COX6C: variants seen among roughly 807,000 people sequenced by gnomAD.
The protein encoded by COX6C is cytochrome c oxidase polypeptide VIc.
In COX6C, 3 loss-of-function variants were observed where a neutral mutation model predicts 6.9. That is an observed-to-expected ratio of 0.43 (90% CI 0.20 to 1.12). The LOEUF (loss-of-function observed/expected upper bound fraction) is 1.12. COX6C is among the 50% of genes most tolerant of loss of function. The pLI, the probability that COX6C is intolerant of heterozygous loss-of-function variation, is 0.27. For synonymous variants in COX6C, 32 were observed against 32.0 expected, an observed-to-expected ratio of 1.00 and a Z score of 0.00; for missense variants, 101 against 97.3, an observed-to-expected ratio of 1.04 and a Z score of -0.16.
chr8:99,885,231 T>A (rs1174281540), intron 3 of COX6C, among the ~76,000 whole-genome samples: 1 of 152,240 alleles, frequency 6.6e-6, no homozygotes, highest in Non-Finnish European at 1.5e-5. Context: ...AGAGATCACA[T>A]TCACCTTTTA....
At chr8:99,891,863 A>C (rs953100094) in intron 2 of COX6C, 45 bp downstream of exon 2, 2 of 1,562,148 alleles carry the variant, frequency 1.3e-6, no homozygotes, top group African/African-American at 2.7e-5. Context: ...TCAACCAAAA[A>C]CACATACTTT....
At chr8:99,891,849 T>TGG in intron 2 of COX6C, 59 bp downstream of exon 2, 1 of 1,501,344 alleles carries the variant, frequency 6.7e-7, no homozygotes, top group Non-Finnish European at 9.3e-7. Context: ...CTTTAAAAGA[T>TGG]TTTTCAACCA....
At chr8:99,881,579 C>T (rs1044298521) in intron 3 of COX6C, among the ~76,000 whole-genome samples, 3 of 151,924 alleles carry the variant, frequency 2.0e-5, no homozygotes, top group Non-Finnish European at 4.4e-5. Flanking sequence ...TAAAATAAAT[C>T]GTTCTAACTT....
At chr8:99,889,196 G>A (rs1215070289) in intron 2 of COX6C, among the ~76,000 whole-genome samples, 1 of 152,102 alleles carries the variant, frequency 6.6e-6, no homozygotes, top group Non-Finnish European at 1.5e-5. Context: ...AGGACCAAAA[G>A]ACTTTGTGTG....
Position 99,891,971 on chromosome 8 carries a change from C to T in COX6C, c.51G>A (p.Arg17=), listed in dbSNP as rs1399327954. Residue 17 remains arginine, a synonymous_variant, in exon 2 of 4, where the codon AGG becomes AGA. Transcript: ENST00000520468. ...PKPRMRGLLA[R]RLRNHMAVAF... ...CTACAGCCATATGATTTCGCAGACG[C>T]CTGGCCAGAAGGCCACGCATCCGAG... 3 of 1,613,916 alleles carry T rather than the reference C, an allele frequency of 1.9e-6. No individual in the cohort carries two copies. In the Admixed American group the frequency reaches 5.0e-5, roughly 27 times the overall value.
In COX6C at chr8:99,892,060, G is replaced by A. The variant is rs913880957; in HGVS notation, c.-31-8C>T. ...CTTGATACGTATGCTAACCTTAAGA[G>A]ATTCAGAAAATATGATTAAGTACAG... On this transcript the variant is annotated splice_region_variant and splice_polypyrimidine_tract_variant and intron_variant, in intron 1 of 3. Transcript: ENST00000520468. 6.8e-7 allele frequency: 1 copy of A among 1,463,264 alleles called. No homozygotes were observed. The highest frequency in any genetic ancestry group is 9.4e-7 in the Non-Finnish European group (1 of 1,065,488). 90.6% of individuals were successfully genotyped at this position (1,463,264 alleles called of 1,614,324 possible).
rs1360116349 is a variant in COX6C, at chr8:99,878,093, T to C, written c.*188A>G. On this transcript the variant is annotated 3_prime_UTR_variant, in exon 4 of 4. Coordinates refer to ENST00000520468, the MANE Select transcript of COX6C (RefSeq NM_004374.4). ...CAGTTAAATCCCAAACCAATTCTTA[T>C]GCTAGTAAGTGCCCTGCATTATCAT... 6 of 152,236 alleles carry C rather than the reference T, an allele frequency of 3.9e-5. No individual in the cohort carries two copies. Among genetic ancestry groups the C allele is most frequent in the Admixed American group, 6.5e-5 (1 of 15,278 alleles). The allele number at this position is 152,236 out of a possible 1,614,324, so 9.4% of individuals were successfully genotyped here.
Position 99,893,680 on chromosome 8 carries a change from G to T in COX6C, c.-73C>A, listed in dbSNP as rs1271792500. 2.6e-5 allele frequency: 4 copies of T among 152,282 alleles called. No homozygotes were observed. Among genetic ancestry groups the T allele is most frequent in the Admixed American group, 6.5e-5 (1 of 15,276 alleles). 9.4% of individuals were successfully genotyped at this position (152,282 alleles called of 1,614,324 possible). ...TTCCTGACTAAAGGAAAAACGAACC[G>T]TGCTGTAGCCGCGCGCAGGCGCAGA... On this transcript the variant is annotated 5_prime_UTR_variant, in exon 1 of 4. Coordinates refer to ENST00000520468, the MANE Select transcript of COX6C (RefSeq NM_004374.4).
intron 1 of COX6C, among the ~76,000 whole-genome samples, chr8:99,892,366 T>C (rs1461801119): frequency 6.6e-6 from 1 of 152,104 alleles, no homozygotes; most frequent in Non-Finnish European, 1.5e-5. Context: ...TAAAATAACA[T>C]AAGCTATTGA....
chr8:99,878,949 G>A (rs1353714167), intron 3 of COX6C, among the ~76,000 whole-genome samples: 2 of 152,042 alleles, frequency 1.3e-5, no homozygotes, highest in African/African-American at 4.8e-5. Flanking sequence ...CTCAACATAT[G>A]ATAAGGTTTA....
At chr8:99,883,922 C>T (rs1020628929) in intron 3 of COX6C, among the ~76,000 whole-genome samples, 1 of 152,086 alleles carries the variant, frequency 6.6e-6, no homozygotes, top group African/African-American at 2.4e-5. Flanking sequence ...AAACACATCT[C>T]AAAAAATGCA....
At chr8:99,889,670 G>A (rs1440102648) in intron 2 of COX6C, among the ~76,000 whole-genome samples, 1 of 151,756 alleles carries the variant, frequency 6.6e-6, no homozygotes, top group Non-Finnish European at 1.5e-5. Flanking sequence ...TAACTGGCAT[G>A]AGCCACTGTA....
At chr8:99,880,823 G>A (rs1441758010) in intron 3 of COX6C, among the ~76,000 whole-genome samples, 1 of 151,912 alleles carries the variant, frequency 6.6e-6, no homozygotes, top group Admixed American at 6.5e-5. Flanking sequence ...AAAAAGGGCA[G>A]AGAGCTTAAA....
At chr8:99,886,200 G>A (rs1226711653) in intron 3 of COX6C, 2 of 152,200 alleles carry the variant, frequency 1.3e-5, no homozygotes, top group Admixed American at 1.3e-4. Flanking sequence ...GCACAGCCCA[G>A]GTAATATGGT....
intron 3 of COX6C, among the ~76,000 whole-genome samples, chr8:99,885,681 TAA>T (rs1588827861): frequency 6.6e-6 from 1 of 152,132 alleles, no homozygotes; most frequent in Non-Finnish European, 1.5e-5. Context: ...GCTAAAACTA[TAA>T]AAGTCTTAGA....
At chr8:99,887,318 T>C in intron 3 of COX6C, 172 bp downstream of exon 3, 1 of 461,160 alleles carries the variant, frequency 2.2e-6, no homozygotes, top group Non-Finnish European at 3.8e-6. Flanking sequence ...TTATTGCTCA[T>C]GTGGACAAAG....
chr8:99,883,727 T>C (rs1446188626), intron 3 of COX6C, among the ~76,000 whole-genome samples: 1 of 152,084 alleles, frequency 6.6e-6, no homozygotes, highest in African/African-American at 2.4e-5. Context: ...ACGAGAAAAC[T>C]ATAGGCCAAA....
chr8:99,884,674 G>T (rs1457895683), intron 3 of COX6C, among the ~76,000 whole-genome samples: 4 of 152,160 alleles, frequency 2.6e-5, no homozygotes. Context: ...TATGTTTCAA[G>T]ACCCTTCCAG....
rs527621908 is a variant in COX6C, at chr8:99,888,377, C to A, written c.115-759G>T. Reference sequence around the variant, plus strand: ...CACAAGGTCAGGAATTGGAGACCAGCCTGGCCAACATGATGAAACCCCATC... The same window carrying A: ...CACAAGGTCAGGAATTGGAGACCAGACTGGCCAACATGATGAAACCCCATC... On this transcript the variant is annotated intron_variant, in intron 2 of 3. Transcript: ENST00000520468. Among the ~76,000 whole-genome samples, 70 of 152,074 alleles carry A rather than the reference C, an allele frequency of 4.6e-4. 3 individuals are homozygous for A. In the South Asian group the frequency reaches 0.014, roughly 31 times the overall value.
Sources: gnomAD v4.1 joint callset for allele counts (sites outside exome capture counted in the v4.1 genomes callset) on GRCh38, gnomAD v4.1.1 for gene constraint, MANE v1.5 for transcripts, NCBI Gene and HGNC (gene_info 2026-07-23, HGNC 2026-07-21) for gene names.